Variants in ABHD3 observed in about 807,000 individuals in gnomAD.
ABHD3 encodes abhydrolase domain containing 3, phospholipase, also known as phospholipase ABHD3.
In ABHD3, 46 loss-of-function variants were observed where a neutral mutation model predicts 48.8. The observed-to-expected ratio is 0.94, with a 90% CI of 0.74 to 1.20. The LOEUF (loss-of-function observed/expected upper bound fraction) is 1.20, where lower values mean the gene tolerates loss of function less well. Among genes scored for constraint, ABHD3 ranks in the 50% most tolerant of loss-of-function variants. The pLI, the probability that ABHD3 is intolerant of heterozygous loss-of-function variation, is 0.00. For synonymous variants in ABHD3, 192 were observed against 183.7 expected, an observed-to-expected ratio of 1.04 and a Z score of -0.36; for missense variants, 490 against 497.8, an observed-to-expected ratio of 0.98 and a Z score of 0.15.
intron 4 of ABHD3, among the ~76,000 whole-genome samples, chr18:21,677,427 G>C (rs1598535857): frequency 6.7e-6 from 1 of 149,784 alleles, no homozygotes; most frequent in African/African-American, 2.5e-5. Flanking sequence ...GGATGGTCTC[G>C]ATCTCCTGAT....
intron 1 of ABHD3, 152 bp from the exon 2 acceptor site, chr18:21,703,899 G>A (rs181830186): frequency 1.6e-5 from 12 of 749,038 alleles, no homozygotes; most frequent in East Asian, 2.7e-5. Flanking sequence ...CAGTCACAGA[G>A]GACTGAAACG....
chr18:21,704,016 C>T (rs988344027), intron 1 of ABHD3, among the ~76,000 whole-genome samples: 1 of 152,188 alleles, frequency 6.6e-6, no homozygotes, highest in Admixed American at 6.5e-5. Flanking sequence ...CTCAGCCTCC[C>T]GAGTAGCTGG....
At chr18:21,685,531 A>G (rs2040111293) in intron 3 of ABHD3, among the ~76,000 whole-genome samples, 1 of 152,140 alleles carries the variant, frequency 6.6e-6, no homozygotes. Context: ...CCTAAGATAA[A>G]TCTTTTTGTT....
chr18:21,663,145 G>C (rs150182919), intron 5 of ABHD3, among the ~76,000 whole-genome samples: 23 of 152,022 alleles, frequency 1.5e-4, no homozygotes, highest in African/African-American at 5.1e-4. Context: ...GTGGTTAAAG[G>C]CCTGTTTTTT....
At chr18:21,673,836 C>A (rs2039812811) in intron 4 of ABHD3, among the ~76,000 whole-genome samples, 1 of 152,048 alleles carries the variant, frequency 6.6e-6, no homozygotes, top group South Asian at 2.1e-4. Context: ...AAACTCCTGG[C>A]CTCATGCAAT....
chr18:21,683,971 A>C lies in ABHD3; in HGVS notation c.510-6T>G. On this transcript the variant is annotated splice_polypyrimidine_tract_variant and splice_region_variant and intron_variant, in intron 3 of 8. Coordinates refer to ENST00000289119, the MANE Select transcript of ABHD3 (RefSeq NM_138340.5). ...TGTTGTTAAAAACCACACATCTAAA[A>C]ACCAGGAAAGCAATTTTTGTTATTT... The C allele has an allele frequency of 6.3e-7, 1 of 1,593,042 alleles. No homozygotes were observed. Among genetic ancestry groups the C allele is most frequent in the Non-Finnish European group, 8.6e-7 (1 of 1,168,614 alleles).
chr18:21,691,146 GATA>G (rs773161561), intron 3 of ABHD3, among the ~76,000 whole-genome samples: 5 of 152,056 alleles, frequency 3.3e-5, no homozygotes, highest in Non-Finnish European at 7.4e-5. Flanking sequence ...AAGTGGCTAT[GATA>G]ATATCAGGTA....
chr18:21,686,783 A>C (rs1226303836), intron 3 of ABHD3, among the ~76,000 whole-genome samples: 3 of 152,044 alleles, frequency 2.0e-5, no homozygotes, highest in Non-Finnish European at 4.4e-5. Flanking sequence ...CCTTTCTCCC[A>C]CTCCAGCTGG....
At chr18:21,684,002 CAT>C (rs755514949) in intron 3 of ABHD3, 37 bp from the exon 4 acceptor site, 28 of 1,559,440 alleles carry the variant, frequency 1.8e-5, no homozygotes, top group African/African-American at 1.4e-4. Flanking sequence ...TATTTTTACA[CAT>C]GATTCTTGCT....
At chr18:21,701,775 G>A (rs1213291452) in intron 3 of ABHD3, 3 of 152,202 alleles carry the variant, frequency 2.0e-5, no homozygotes, top group East Asian at 1.9e-4. Context: ...ACTCAGAAAA[G>A]CTGTGGCATC....
intron 4 of ABHD3, among the ~76,000 whole-genome samples, chr18:21,666,488 G>C (rs561799118): frequency 6.6e-6 from 1 of 151,720 alleles, no homozygotes; most frequent in Non-Finnish European, 1.5e-5. Context: ...CACCGTGCCC[G>C]GCCTATTTTT....
Position 21,703,845 on chromosome 18 carries a change from C to T in ABHD3, c.163-98G>A, listed in dbSNP as rs1474305419. ...AGACTTGTCGCTCGCGCGCGCGCTTCCTCCGATTACAACTCTTTCTGGAGG... is the reference window on the plus strand; with the variant it reads ...AGACTTGTCGCTCGCGCGCGCGCTTTCTCCGATTACAACTCTTTCTGGAGG... On this transcript the variant is annotated intron_variant, in intron 1 of 8. Coordinates refer to ENST00000289119, the MANE Select transcript of ABHD3 (RefSeq NM_138340.5). The T allele has an allele frequency of 5.2e-6, 7 of 1,348,904 alleles. No homozygotes were observed. In the East Asian group the frequency reaches 1.2e-4, roughly 23 times the overall value. The allele number at this position is 1,348,904 out of a possible 1,614,324, so 83.6% of individuals were successfully genotyped here. A position where few individuals can be genotyped will look rare whatever the true frequency, so the allele number is the denominator to read the frequency against.
At chr18:21,652,446 G>A (rs1323397562) in intron 8 of ABHD3, among the ~76,000 whole-genome samples, 24 of 151,804 alleles carry the variant, frequency 1.6e-4, no homozygotes, top group Admixed American at 9.9e-4. Flanking sequence ...GAGAAAGAAC[G>A]AGAATGAAAA....
chr18:21,664,706 C>T (rs1030839759), intron 4 of ABHD3, among the ~76,000 whole-genome samples: 1 of 152,182 alleles, frequency 6.6e-6, no homozygotes, highest in African/African-American at 2.4e-5. Context: ...TCACAGCTCA[C>T]TGCAGCCTCG....
At chr18:21,661,219 G>A (rs1024005771) in intron 5 of ABHD3, among the ~76,000 whole-genome samples, 1 of 150,378 alleles carries the variant, frequency 6.6e-6, no homozygotes, top group Non-Finnish European at 1.5e-5. Context: ...AACCAAACAA[G>A]CAAACAAGAC....
intron 4 of ABHD3, among the ~76,000 whole-genome samples, chr18:21,675,455 G>C (rs1454207568): frequency 6.6e-6 from 1 of 151,842 alleles, no homozygotes; most frequent in Non-Finnish European, 1.5e-5. Flanking sequence ...TTTTAGTAGA[G>C]ACAGGGTTTC....
At chr18:21,703,780 A>G in intron 1 of ABHD3, 33 bp from the exon 2 acceptor site, 7 of 1,594,428 alleles carry the variant, frequency 4.4e-6, no homozygotes, top group Non-Finnish European at 6.0e-6. Context: ...AGAAGGGCCC[A>G]GAGCAAAGTT....
At chr18:21,699,290 G>GA (rs1441291179) in intron 3 of ABHD3, among the ~76,000 whole-genome samples, 1 of 151,992 alleles carries the variant, frequency 6.6e-6, no homozygotes, top group African/African-American at 2.4e-5. Context: ...AACTGGCCAG[G>GA]GTCCCTTAGA....
chr18:21,699,133 C>T (rs1050517431), intron 3 of ABHD3, among the ~76,000 whole-genome samples: 5 of 151,328 alleles, frequency 3.3e-5, no homozygotes, highest in African/African-American at 1.2e-4. Context: ...AGGCTGGTTT[C>T]GAACTCCTAA....
Sources: gnomAD v4.1 joint callset for allele counts (sites outside exome capture counted in the v4.1 genomes callset) on GRCh38, gnomAD v4.1.1 for gene constraint, MANE v1.5 for transcripts, NCBI Gene and HGNC (gene_info 2026-07-23, HGNC 2026-07-21) for gene names.